The following USP34 variants were observed in gnomAD, a reference collection of about 807,000 sequenced individuals.
USP34 encodes the protein ubiquitin specific peptidase 34, also known as ubiquitin carboxyl-terminal hydrolase 34.
In USP34, 70 loss-of-function variants were observed where a neutral mutation model predicts 460.3. The ratio of observed to expected loss-of-function variants is 0.15; its 90% CI spans 0.13 to 0.19. The LOEUF (loss-of-function observed/expected upper bound fraction) is 0.19. Ranked by LOEUF, USP34 falls within the 10% of genes least tolerant of loss-of-function variation. The pLI, the probability that USP34 is intolerant of heterozygous loss-of-function variation, is 1.00. For synonymous variants in USP34, 1,647 were observed against 1,405.3 expected (o/e 1.17, Z -3.85); for missense variants, 3,985 against 4,236.2 (o/e 0.94, Z 1.65).
At chr2:61,213,435 G>T (rs1429404872) in intron 68 of USP34, among the ~76,000 whole-genome samples, 1 of 152,102 alleles carries the variant, frequency 6.6e-6, no homozygotes, top group African/African-American at 2.4e-5. Context: ...TTAAAGTACA[G>T]TTTACAACAG....
At chr2:61,376,373 A>G (rs184148853) in intron 8 of USP34, among the ~76,000 whole-genome samples, 2 of 152,176 alleles carry the variant, frequency 1.3e-5, no homozygotes, top group Non-Finnish European at 2.9e-5. Flanking sequence ...TCTCCTCCCT[A>G]TTCTCTTAAA....
intron 37 of USP34, among the ~76,000 whole-genome samples, chr2:61,281,794 G>A (rs563969593): frequency 6.6e-6 from 1 of 152,186 alleles, no homozygotes; most frequent in Admixed American, 6.5e-5. Flanking sequence ...AAGAATAATT[G>A]AGTAAGGACA....
intron 1 of USP34, among the ~76,000 whole-genome samples, chr2:61,440,368 G>A (rs564023074): frequency 6.6e-6 from 1 of 152,152 alleles, no homozygotes; most frequent in Non-Finnish European, 1.5e-5. Context: ...GTCAATGGCT[G>A]CTGTATGAAA....
intron 32 of USP34, among the ~76,000 whole-genome samples, 160 bp from the exon 33 acceptor site, chr2:61,293,710 A>ACTTT (rs1689931575): frequency 6.6e-6 from 1 of 152,234 alleles, no homozygotes; most frequent in African/African-American, 2.4e-5. Flanking sequence ...ATAATAAGAT[A>ACTTT]AAGGCTACTT....
At chr2:61,413,573 T>C (rs994770794) in intron 2 of USP34, among the ~76,000 whole-genome samples, 1 of 138,838 alleles carries the variant, frequency 7.2e-6, no homozygotes, top group Non-Finnish European at 1.5e-5. Context: ...GGCAGGAGAA[T>C]TGCCTGAACC....
intron 50 of USP34, among the ~76,000 whole-genome samples, chr2:61,245,638 G>T (rs1022427276): frequency 6.6e-6 from 1 of 151,798 alleles, no homozygotes; most frequent in African/African-American, 2.4e-5. Flanking sequence ...ATCAAAAAAA[G>T]ATTCAAAATA....
chr2:61,437,773 A>AT (rs1467808086), intron 1 of USP34, among the ~76,000 whole-genome samples: 7 of 142,922 alleles, frequency 4.9e-5, no homozygotes, highest in African/African-American at 1.0e-4. Flanking sequence ...ACTCCGTCTC[A>AT]AAAATAAATA....
At chr2:61,290,772 A>G (rs1439844312) in intron 33 of USP34, among the ~76,000 whole-genome samples, 1 of 152,174 alleles carries the variant, frequency 6.6e-6, no homozygotes, top group Non-Finnish European at 1.5e-5. Flanking sequence ...TTACATGAAA[A>G]GTATACTGCA....
At chr2:61,411,818 A>T (rs1232366375) in intron 2 of USP34, among the ~76,000 whole-genome samples, 5 of 152,176 alleles carry the variant, frequency 3.3e-5, no homozygotes, top group African/African-American at 7.2e-5. Context: ...TACCCCTCTT[A>T]TTACCATGAA....
Position 61,223,237 on chromosome 2 carries a change from G to C in USP34, c.7644+11C>G. The stretch of plus-strand genomic sequence containing the variant: ...GATGATCAAATTGTCTAATATTAGA[G>C]AATGTACTACCTTTCCTCCTGTTAA... On this transcript the variant is annotated intron_variant, in intron 63 of 79. Coordinates refer to ENST00000398571, the MANE Select transcript of USP34 (RefSeq NM_014709.4). 6.2e-7 allele frequency: 1 copy of C among 1,613,700 alleles called. No individual in the cohort carries two copies. Among genetic ancestry groups the C allele is most frequent in the Non-Finnish European group, 8.5e-7 (1 of 1,179,718 alleles).
intron 8 of USP34, among the ~76,000 whole-genome samples, chr2:61,377,306 G>T (rs929183201): frequency 4.6e-5 from 7 of 152,038 alleles, no homozygotes; most frequent in Non-Finnish European, 1.0e-4. Flanking sequence ...GTATAATCAA[G>T]AATTTTCTAA....
At chr2:61,285,552 T>C (rs1350287541) in intron 34 of USP34, among the ~76,000 whole-genome samples, 1 of 141,070 alleles carries the variant, frequency 7.1e-6, no homozygotes, top group African/African-American at 2.6e-5. Flanking sequence ...AATTTAGAAA[T>C]AGGGGCAAAA....
chr2:61,448,742 A>G (rs1161299991), intron 1 of USP34, among the ~76,000 whole-genome samples: 2 of 152,238 alleles, frequency 1.3e-5, no homozygotes, highest in African/African-American at 2.4e-5. Context: ...CAAATCAACC[A>G]TATTTCTATA....
intron 1 of USP34, among the ~76,000 whole-genome samples, chr2:61,469,875 G>A (rs756431287): frequency 6.6e-6 from 1 of 152,046 alleles, no homozygotes; most frequent in African/African-American, 2.4e-5. Flanking sequence ...AAATAAAAAG[G>A]CCAGAAAAGA....
Position 61,339,546 on chromosome 2 carries a change from G to A in USP34, c.2616+20C>T, listed in dbSNP as rs1429650036. 1.9e-6 allele frequency: 3 copies of A among 1,566,898 alleles called. 1 individual carries two copies. The Admixed American group carries it at 6.0e-5, about 32-fold the overall frequency. On this transcript the variant is annotated intron_variant, in intron 17 of 79. Transcript: ENST00000398571. ...TCTTGCTGAAATTTCTTACTCTTCT[G>A]GTTCTATTAAATAACTTACTGCATC...
Position 61,228,628 on chromosome 2 carries a change from G to C in USP34, c.7443+17C>G, listed in dbSNP as rs374472927. 4 of 1,604,230 alleles carry C rather than the reference G, an allele frequency of 2.5e-6. No homozygotes were observed. Among genetic ancestry groups the C allele is most frequent in the East Asian group, 2.2e-5 (1 of 44,806 alleles). ...CCAGAGCCTCTAATACCTAATGTAC[G>C]ATAGAACTGTACTTACATTTTCAGG... On this transcript the variant is annotated intron_variant, in intron 61 of 79. Transcript: ENST00000398571.
chr2:61,250,018 T>G (rs1688532413), intron 48 of USP34, among the ~76,000 whole-genome samples: 1 of 151,980 alleles, frequency 6.6e-6, no homozygotes, highest in Non-Finnish European at 1.5e-5. Flanking sequence ...AGGGCTAAAG[T>G]GGGCAGACTG....
intron 1 of USP34, among the ~76,000 whole-genome samples, chr2:61,468,255 G>A (rs1278586786): frequency 1.3e-5 from 2 of 152,160 alleles, no homozygotes; most frequent in Non-Finnish European, 2.9e-5. Context: ...GCACAATCTC[G>A]GCTCACTGCA....
intron 27 of USP34, among the ~76,000 whole-genome samples, chr2:61,307,299 A>C (rs1420540612): frequency 1.7e-5 from 2 of 119,180 alleles, no homozygotes; most frequent in East Asian, 6.0e-4. Context: ...GGAACATCAC[A>C]CACCGGGGCC....
Sources: allele counts gnomAD v4.1 joint callset (sites outside exome capture counted in the v4.1 genomes callset), GRCh38; gene constraint gnomAD v4.1.1; transcripts MANE v1.5; gene names NCBI Gene and HGNC (gene_info 2026-07-23, HGNC 2026-07-21).